The following CCDC81 variants were observed in gnomAD, a reference collection of about 807,000 sequenced individuals.
CCDC81 encodes the protein coiled-coil domain containing 81.
Under a neutral mutation model 83.7 loss-of-function variants are expected in CCDC81, and 79 were observed. That is an observed-to-expected ratio of 0.94 (90% confidence interval 0.79 to 1.14). The LOEUF (loss-of-function observed/expected upper bound fraction) is 1.14, where lower values mean the gene tolerates loss of function less well. Ranked by LOEUF, CCDC81 falls within the 50% of genes most tolerant of loss-of-function variation. The pLI, the probability that CCDC81 is intolerant of heterozygous loss-of-function variation, is 0.00. For synonymous variants in CCDC81, 252 were observed against 278.1 expected (o/e 0.91, Z 0.93); for missense variants, 791 against 778.1 (o/e 1.02, Z -0.20).
chr11:86,418,090 A>G (rs538059834), intron 13 of CCDC81, among the ~76,000 whole-genome samples: 4 of 152,340 alleles, frequency 2.6e-5, no homozygotes, highest in South Asian at 4.1e-4. Flanking sequence ...AAAAAATAAC[A>G]TAATAATGGC....
At chr11:86,389,582 A>C (rs77756138) in intron 3 of CCDC81, among the ~76,000 whole-genome samples, 14,088 of 152,014 alleles carry the variant, frequency 0.093, 991 homozygotes, top group African/African-American at 0.18. Flanking sequence ...GGCACCACAC[A>C]CTTTTAAACC....
chr11:86,413,687 G>A (rs147272356), intron 11 of CCDC81, among the ~76,000 whole-genome samples: 122 of 152,250 alleles, frequency 8.0e-4, no homozygotes, highest in Middle Eastern at 3.4e-3. Context: ...AAAGGGACTC[G>A]TCTTGAGCAG....
chr11:86,397,937 C>T (rs936134915), intron 6 of CCDC81, among the ~76,000 whole-genome samples, 195 bp downstream of exon 6: 3 of 151,962 alleles, frequency 2.0e-5, no homozygotes, highest in African/African-American at 7.3e-5. Flanking sequence ...GCAACTTCCA[C>T]CTCCCAGGTT....
chr11:86,386,365 A>C (rs1405927459), intron 2 of CCDC81, among the ~76,000 whole-genome samples: 2 of 152,166 alleles, frequency 1.3e-5, no homozygotes, highest in African/African-American at 2.4e-5. Context: ...CTAGTGTTAC[A>C]GAGTGTAGTG....
At chr11:86,400,593 T>A in intron 6 of CCDC81, 85 bp from the exon 7 acceptor site, 1 of 1,331,128 alleles carries the variant, frequency 7.5e-7, no homozygotes, top group Admixed American at 2.2e-5. Context: ...GTATCTTATA[T>A]GAAAATTTCC....
intron 1 of CCDC81, among the ~76,000 whole-genome samples, chr11:86,379,245 C>T (rs765647831): frequency 1.3e-5 from 2 of 151,914 alleles, no homozygotes; most frequent in African/African-American, 2.4e-5. Flanking sequence ...CACAGGCACC[C>T]GCCACCATGC....
rs550912932 is a variant in CCDC81, at chr11:86,417,018, C to A, written c.1691+1705C>A. Reference sequence around the variant, plus strand: ...TAGCACTTTGGGAGACCGAGGCAGGCAGATCACTTGAGCCCAGGAGTTTGA... The same window carrying A: ...TAGCACTTTGGGAGACCGAGGCAGGAAGATCACTTGAGCCCAGGAGTTTGA... On this transcript the variant is annotated intron_variant, in intron 13 of 14. Transcript: ENST00000445632. 7.9e-5 allele frequency among the ~76,000 whole-genome samples: 12 copies of A among 152,172 alleles called. No individual in the cohort carries two copies. The East Asian group carries it at 2.3e-3, about 29-fold the overall frequency.
intron 3 of CCDC81, 139 bp from the exon 4 acceptor site, chr11:86,392,402 G>A (rs1050598432): frequency 1.1e-6 from 1 of 941,126 alleles, no homozygotes. Flanking sequence ...ATATTACATT[G>A]GGTACAACTA....
chr11:86,401,132 G>C (rs4586193), intron 7 of CCDC81, among the ~76,000 whole-genome samples: 52,804 of 151,988 alleles, frequency 0.35, 9,606 homozygotes, highest in Admixed American at 0.41. Context: ...CGAGTGCTTG[G>C]ATATTATGAT....
intron 14 of CCDC81, 29 bp downstream of exon 14, chr11:86,420,082 T>C (rs1286247801): frequency 6.2e-6 from 10 of 1,604,470 alleles, no homozygotes; most frequent in Non-Finnish European, 7.6e-6. Context: ...CCCAAAATTC[T>C]CCTGCTCCTT....
At chr11:86,414,762 C>G in intron 11 of CCDC81, 27 bp from the exon 12 acceptor site, 1 of 1,534,468 alleles carries the variant, frequency 6.5e-7, no homozygotes, top group Middle Eastern at 1.7e-4. Context: ...AAACTGTGGT[C>G]CATCTTCTCT....
At chr11:86,395,130 T>G in intron 4 of CCDC81, 1 of 421,960 alleles carries the variant, frequency 2.4e-6, no homozygotes, top group East Asian at 3.8e-5. Context: ...ACCGAAAGAA[T>G]TGCTGTGCAG....
chr11:86,422,728 G>C lies in CCDC81; in HGVS notation c.*13G>C, dbSNP rs1298649958. The C allele has an allele frequency of 6.2e-7, 1 of 1,608,520 alleles. No homozygotes were observed. The highest frequency in any genetic ancestry group is 1.3e-5 in the African/African-American group (1 of 74,720). On this transcript the variant is annotated 3_prime_UTR_variant, in exon 15 of 15. Transcript: ENST00000445632. ...GTTGCTTGTGTAAAACTCAAAGTTT[G>C]GCTCTTCGTTTCCCGGGGAAAGTTT...
intron 6 of CCDC81, among the ~76,000 whole-genome samples, chr11:86,397,974 C>T (rs146882060): frequency 1.1e-4 from 17 of 152,044 alleles, no homozygotes; most frequent in African/African-American, 4.1e-4. Flanking sequence ...CTCAGCCTCC[C>T]GAGCAGCTGA....
In CCDC81 at chr11:86,392,585, G is replaced by C; in HGVS notation, c.343G>C (p.Glu115Gln). 1 of 1,551,622 alleles carries C rather than the reference G, an allele frequency of 6.4e-7. No homozygotes were observed. ...ACTTAATTTTGTCATGATATCCCTG[G>C]AGGGTCCATTTAACAGAGATGTAGT... is the stretch of plus-strand genomic sequence containing the variant. ...VPLNFVMISL[E>Q]GPFNRDVVEG... The change falls in exon 4 of 15, where the codon GAG becomes CAG. Residue 115 changes from glutamate (E) to glutamine (Q), a missense_variant. By Grantham distance (29) the Glu-to-Gln change is conservative. Transcript: ENST00000445632.
In CCDC81 at chr11:86,400,757, G is replaced by A. The variant is rs1275290284; in HGVS notation, c.837G>A (p.Lys279=). 2.5e-6 allele frequency: 4 copies of A among 1,613,030 alleles called. No individual in the cohort carries two copies. In the East Asian group the frequency reaches 8.9e-5, roughly 36 times the overall value. Residue 279 remains lysine (K), a synonymous_variant, in exon 7 of 15, where the codon AAG becomes AAA. Coordinates refer to ENST00000445632, the MANE Select transcript of CCDC81 (RefSeq NM_001156474.2). ...AKVTNVSLLE[K]FERSESGGKI... ...TGACAAATGTCAGCTTGCTGGAAAA[G>A]TTTGAACGAAGTGAGAGTGGTGGGA...
rs372735258 is a variant in CCDC81, at chr11:86,415,239, C to T, written c.1617C>T (p.His539=). 3 of 1,614,192 alleles carry T rather than the reference C, an allele frequency of 1.9e-6. No individual in the cohort carries two copies. The highest frequency in any genetic ancestry group is 2.5e-6 in the Non-Finnish European group (3 of 1,180,044). The change falls in exon 13 of 15, where the codon CAC becomes CAT. Residue 539 remains histidine, a synonymous_variant. Transcript: ENST00000445632. The stretch of plus-strand genomic sequence containing the variant: ...ACCAGCTGGAGGCAGCTGCTAACCA[C>T]AAGAGGAAAGCCATCCTGCATCAAC... ...MKHQLEAAAN[H]KRKAILHQLV... is the part of the protein sequence containing the mutation.
intron 6 of CCDC81, 118 bp from the exon 7 acceptor site, chr11:86,400,560 T>G: frequency 1.0e-6 from 1 of 998,674 alleles, no homozygotes; most frequent in South Asian, 2.0e-5. Context: ...GAACAAGGGG[T>G]GATTATTTAA....
chr11:86,387,532 C>T lies in CCDC81; in HGVS notation c.158C>T (p.Ala53Val). ...LTLHKGVQIP[A>V]FGTFTFIRQK... ...TCCTTTCAGGGGGTTCAGATTCCAG[C>T]ATTTGGAACTTTCACTTTCATAAGA... Residue 53 changes from alanine to valine, a missense_variant, in exon 3 of 15, where the codon GCA becomes GTA. By Grantham distance (64) the Ala-to-Val change is moderately conservative. Transcript: ENST00000445632. The T allele has an allele frequency of 6.2e-7, 1 of 1,613,868 alleles. No homozygotes were observed. The highest frequency in any genetic ancestry group is 8.5e-7 in the Non-Finnish European group (1 of 1,179,940).
Sources: gnomAD v4.1 joint callset for allele counts (sites outside exome capture counted in the v4.1 genomes callset) on GRCh38, gnomAD v4.1.1 for gene constraint, MANE v1.5 for transcripts, NCBI Gene and HGNC (gene_info 2026-07-23, HGNC 2026-07-21) for gene names.